The following FAR1 variants were observed in gnomAD, a reference collection of about 807,000 sequenced individuals.
FAR1 encodes fatty acyl-CoA reductase 1.
FAR1 carries 22 observed loss-of-function variants against 61.1 expected under a neutral mutation model. The ratio of observed to expected loss-of-function variants is 0.36; its 90% CI spans 0.26 to 0.51. The LOEUF (loss-of-function observed/expected upper bound fraction) is 0.51. Among genes scored for constraint, FAR1 ranks in the 20% least tolerant of loss-of-function variants. The pLI is 0.95. For synonymous variants in FAR1, 206 were observed against 209.7 expected (o/e 0.98, Z 0.15); for missense variants, 359 against 626.9 (o/e 0.57, Z 4.56).
At chr11:13,675,311 T>A (rs149448893) in intron 1 of FAR1, among the ~76,000 whole-genome samples, 5 of 152,198 alleles carry the variant, frequency 3.3e-5, no homozygotes, top group African/African-American at 1.2e-4. Context: ...GACTCTTAAG[T>A]GGGAACTGAC....
chr11:13,698,699 C>T (rs552733629), intron 2 of FAR1, among the ~76,000 whole-genome samples: 8 of 151,990 alleles, frequency 5.3e-5, no homozygotes, highest in South Asian at 2.1e-4. Context: ...GGCGTGGTGG[C>T]GGGCACCTGT....
Position 13,708,092 on chromosome 11 carries a change from G to A in FAR1, c.545+13G>A, listed in dbSNP as rs183124096. The A allele has an allele frequency of 0.17, 263,135 of 1,544,550 alleles. 24,030 individuals carry two copies. The highest frequency in any genetic ancestry group is 0.24 in the South Asian group (19,130 of 79,972). On this transcript the variant is annotated intron_variant, in intron 4 of 11. Coordinates refer to ENST00000354817, the MANE Select transcript of FAR1 (RefSeq NM_032228.6). ...TTGATTCTTTAGAGTATGTTTGTTT[G>A]AAATTTATATACATTTACTTTGATC... is the stretch of plus-strand genomic sequence containing the variant.
intron 10 of FAR1, among the ~76,000 whole-genome samples, chr11:13,722,093 T>G (rs376416950): frequency 3.9e-5 from 6 of 152,308 alleles, no homozygotes; most frequent in East Asian, 3.9e-4. Context: ...ATGATTGAAA[T>G]GTTGATTCTT....
intron 10 of FAR1, chr11:13,723,360 CTCA>C (rs1848633393): frequency 3.6e-6 from 1 of 281,344 alleles, no homozygotes; most frequent in Non-Finnish European, 6.4e-6. Context: ...GTGAGAGTCT[CTCA>C]AAAAAAAAAA....
chr11:13,689,427 AGCTCAAC>A (rs1489517326), intron 1 of FAR1, among the ~76,000 whole-genome samples: 1 of 152,208 alleles, frequency 6.6e-6, no homozygotes, highest in Non-Finnish European at 1.5e-5. Context: ...TGGCCTTACT[AGCTCAAC>A]GCTCCCTTTG....
intron 9 of FAR1, among the ~76,000 whole-genome samples, chr11:13,718,716 G>A (rs1848579082): frequency 6.6e-6 from 1 of 152,206 alleles, no homozygotes; most frequent in South Asian, 2.1e-4. Context: ...CACAATATCT[G>A]TGGGTCAGGA....
chr11:13,669,379 G>A (rs1847968797), intron 1 of FAR1: 1 of 152,788 alleles, frequency 6.5e-6, no homozygotes, highest in South Asian at 2.1e-4. Context: ...TTTTGAAGGT[G>A]AAGGTCTCTG....
chr11:13,712,308 C>T (rs1314814129), intron 7 of FAR1, among the ~76,000 whole-genome samples: 1 of 151,156 alleles, frequency 6.6e-6, no homozygotes, highest in Non-Finnish European at 1.5e-5. Flanking sequence ...AAAAAAATAC[C>T]CTCCCCTAAG....
intron 10 of FAR1, chr11:13,723,377 A>AC: frequency 2.4e-6 from 1 of 418,784 alleles, no homozygotes; most frequent in Admixed American, 3.1e-5. Context: ...AAAAAAAAAA[A>AC]AAAAAACCCC....
intron 11 of FAR1, among the ~76,000 whole-genome samples, chr11:13,727,986 C>T (rs1264490403): frequency 6.6e-6 from 1 of 151,784 alleles, no homozygotes; most frequent in Non-Finnish European, 1.5e-5. Context: ...TATTGAGTGG[C>T]AAAGCAAACT....
intron 1 of FAR1, among the ~76,000 whole-genome samples, chr11:13,678,623 T>G (rs1848092887): frequency 6.6e-6 from 1 of 152,228 alleles, no homozygotes; most frequent in South Asian, 2.1e-4. Context: ...TCATTACTTT[T>G]GAAGGCTGGT....
Position 13,712,195 on chromosome 11 carries a change from A to G in FAR1, c.887+149A>G, listed in dbSNP as rs1277264554. The G allele has an allele frequency of 4.7e-5, 28 of 601,644 alleles. No homozygotes were observed. In the Admixed American group the frequency reaches 7.9e-4, roughly 17 times the overall value. 37.3% of individuals were successfully genotyped at this position (601,644 alleles called of 1,614,324 possible). On this transcript the variant is annotated intron_variant, in intron 7 of 11. Coordinates refer to ENST00000354817, the MANE Select transcript of FAR1 (RefSeq NM_032228.6). ...ACTGCCAACTCCAAGAGTTGGTATT[A>G]TCACAGACAATAGCAAGTGCTCCCA...
At chr11:13,708,877 A>G (rs1326254243) in intron 4 of FAR1, among the ~76,000 whole-genome samples, 1 of 152,166 alleles carries the variant, frequency 6.6e-6, no homozygotes. Context: ...CCTGTCAGCA[A>G]TTGTTACATG....
intron 3 of FAR1, among the ~76,000 whole-genome samples, chr11:13,704,412 A>G (rs1239624067): frequency 6.6e-6 from 1 of 152,198 alleles, no homozygotes; most frequent in Non-Finnish European, 1.5e-5. Flanking sequence ...AAGATCAAGA[A>G]ACTATTGAGT....
At chr11:13,702,740 G>A (rs528734599) in intron 3 of FAR1, among the ~76,000 whole-genome samples, 2 of 152,256 alleles carry the variant, frequency 1.3e-5, no homozygotes, top group East Asian at 3.9e-4. Context: ...TGGTAGTATA[G>A]TCTTCATTGA....
At chr11:13,719,368 G>GT (rs1848586486) in intron 9 of FAR1, among the ~76,000 whole-genome samples, 1 of 152,082 alleles carries the variant, frequency 6.6e-6, no homozygotes, top group Admixed American at 6.5e-5. Context: ...TAAATACAAA[G>GT]TCTTATAATT....
intron 1 of FAR1, among the ~76,000 whole-genome samples, chr11:13,676,015 C>G (rs1279082194): frequency 1.3e-5 from 2 of 152,112 alleles, no homozygotes; most frequent in African/African-American, 4.8e-5. Flanking sequence ...AATGTACGTT[C>G]AAATATCCTT....
rs1848724895 is a variant in FAR1, at chr11:13,731,433, A to G, written c.*2659A>G. The G allele has an allele frequency of 6.6e-6, 1 of 152,594 alleles. No homozygotes were observed. The highest frequency in any genetic ancestry group is 1.5e-5 in the Non-Finnish European group (1 of 68,014). 9.5% of individuals were successfully genotyped at this position (152,594 alleles called of 1,614,324 possible). ...AATTGAGAATCTTTTATAAGAAATA[A>G]AAGCATTATTGGGTGCCTTTGTTTG... On this transcript the variant is annotated 3_prime_UTR_variant, in exon 12 of 12. Coordinates refer to ENST00000354817, the MANE Select transcript of FAR1 (RefSeq NM_032228.6).
chr11:13,692,977 G>C (rs1222022204), intron 1 of FAR1, among the ~76,000 whole-genome samples: 1 of 152,114 alleles, frequency 6.6e-6, no homozygotes, highest in South Asian at 2.1e-4. Context: ...TAATGGAATA[G>C]GGTGGTTGGT....
Sources: allele counts gnomAD v4.1 joint callset (sites outside exome capture counted in the v4.1 genomes callset), GRCh38; gene constraint gnomAD v4.1.1; transcripts MANE v1.5; gene names NCBI Gene and HGNC (gene_info 2026-07-23, HGNC 2026-07-21).